ATRX: variants seen among roughly 807,000 people sequenced by gnomAD.
ATRX encodes the protein ATRX chromatin remodeler.
A neutral mutation model predicts 172.6 loss-of-function variants in ATRX; 12 were observed. The ratio of observed to expected loss-of-function variants is 0.07; its 90% CI spans 0.04 to 0.11. ATRX has a LOEUF of 0.11. Ranked by LOEUF, ATRX falls within the 10% of genes least tolerant of loss-of-function variation. The pLI is 1.00. For synonymous variants in ATRX, 674 were observed against 594.7 expected (o/e 1.13, Z -1.94); for missense variants, 1,368 against 1,767.4 (o/e 0.77, Z 4.05).
intron 1 of ATRX, among the ~76,000 whole-genome samples, chrX:77,728,829 G>A (rs1253711533): frequency 9.8e-6 from 1 of 102,216 alleles, no homozygotes; most frequent in African/African-American, 3.6e-5. Context: ...GTTCGATCTC[G>A]GCTCACTGCA....
rs2148607608 is a variant in ATRX at position 77,683,181 on chromosome X, G to A, written c.2075C>T (p.Ser692Leu). ...NETVKEKQKL[S>L]VPVRKKDKRN... is the part of the protein sequence containing the mutation. ...CTTATCCTTTTTTCTCACTGGAACT[G>A]ATAGTTTTTGTTTCTCCTTAACTGT... Residue 692 changes from serine (S) to leucine (L), a missense_variant, in exon 9 of 35, where the codon TCA (serine) becomes TTA (leucine). Coordinates refer to ENST00000373344, the MANE Select transcript of ATRX (RefSeq NM_000489.6). 8.3e-7 allele frequency: 1 copy of A among 1,208,235 alleles called. No individual in the cohort carries two copies. Among genetic ancestry groups the A allele is most frequent in the South Asian group, 1.8e-5 (1 of 56,944 alleles).
chrX:77,508,610 C>G lies in ATRX; in HGVS notation c.7220G>C (p.Arg2407Pro). 1 of 1,211,602 alleles carries G rather than the reference C, an allele frequency of 8.3e-7. No individual in the cohort carries two copies. The highest frequency in any genetic ancestry group is 1.1e-6 in the Non-Finnish European group (1 of 895,491). ...CTGGAGCCTTCTGTTCATAAGTATTCGCTGAACACAGCTGATTAACTATAG... is the reference window on the plus strand; with the variant it reads ...CTGGAGCCTTCTGTTCATAAGTATTGGCTGAACACAGCTGATTAACTATAG... ...KQQMLISCVQRILMNRRLQQQ... is the reference protein window; with the variant it reads ...KQQMLISCVQPILMNRRLQQQ... The change falls in exon 35 of 35, where the codon CGA becomes CCA. Residue 2407 changes from arginine (R) to proline (P), a missense_variant. Around this residue, in one of 17 missense-constraint regions of ATRX, gnomAD observed 100 missense variants for 153.9 expected, o/e 0.65. Coordinates refer to ENST00000373344, the MANE Select transcript of ATRX (RefSeq NM_000489.6).
At chrX:77,522,411 C>T (rs2147752201) in intron 31 of ATRX, 23 bp from the exon 32 acceptor site, 2 of 1,206,241 alleles carry the variant, frequency 1.7e-6, no homozygotes, top group Non-Finnish European at 2.2e-6. Context: ...AAATTATGCA[C>T]TTTTCACATT....
rs2071214033 is a variant in ATRX at position 77,681,789 on chromosome X, G to C, written c.3467C>G (p.Ser1156Cys). 1 of 1,197,914 alleles carries C rather than the reference G, an allele frequency of 8.3e-7. No individual in the cohort carries two copies. Among genetic ancestry groups the C allele is most frequent in the Non-Finnish European group, 1.1e-6 (1 of 891,109 alleles). Residue 1156 changes from serine to cysteine, a missense_variant, in exon 9 of 35, where the codon TCT (serine) becomes TGT (cysteine). Around this residue, in one of 17 missense-constraint regions of ATRX, gnomAD observed 843 missense variants for 643.1 expected, o/e 1.31. Transcript: ENST00000373344. ...ATCTTCAGAACTTTCCTCAGCATCA[G>C]ATGATGATGAGCCACTTTGTATTTC... ...TKEIQSGSSS[S>C]DAEESSEDNK... is the part of the protein sequence containing the mutation.
chrX:77,634,511 G>A (rs1186211546), intron 17 of ATRX, 83 bp downstream of exon 17: 7 of 816,199 alleles, frequency 8.6e-6, no homozygotes, highest in Middle Eastern at 2.9e-4. Flanking sequence ...CAGCCCCTAC[G>A]ACTGTGCCTG....
rs2148360613 is a variant in ATRX at position 77,636,040 on chromosome X, T to C, written c.4574A>G (p.Asp1525Gly). The C allele has an allele frequency of 1.7e-6, 2 of 1,210,589 alleles. No homozygotes were observed. Among genetic ancestry groups the C allele is most frequent in the Non-Finnish European group, 2.2e-6 (2 of 894,665 alleles). ...EKLREVIEIE[D>G]ASPTKCPITT... ...TATTGGACACTTGGTGGGTGAAGCATCTTCAATTTCTATCACCTACAAGAA... is the reference window on the plus strand; with the variant it reads ...TATTGGACACTTGGTGGGTGAAGCACCTTCAATTTCTATCACCTACAAGAA... Residue 1525 changes from aspartate to glycine, a missense_variant, in exon 16 of 35, where the codon GAT becomes GGT. This residue lies in a region of ATRX where 27 missense variants were observed against 110.8 expected (regional missense o/e 0.24). Coordinates refer to ENST00000373344, the MANE Select transcript of ATRX (RefSeq NM_000489.6).
intron 30 of ATRX, among the ~76,000 whole-genome samples, chrX:77,539,960 A>G (rs1221068946): frequency 1.8e-5 from 2 of 111,960 alleles, no homozygotes; most frequent in African/African-American, 6.5e-5. Context: ...AAATTCAAAC[A>G]TAACAATATT....
At chrX:77,717,854 C>T (rs2073525278) in intron 1 of ATRX, among the ~76,000 whole-genome samples, 1 of 110,863 alleles carries the variant, frequency 9.0e-6, no homozygotes, top group African/African-American at 3.3e-5. Context: ...AAACAATAAA[C>T]CTACCTACCA....
intron 22 of ATRX, 193 bp downstream of exon 22, chrX:77,616,420 A>C: frequency 9.0e-7 from 1 of 1,113,503 alleles, no homozygotes. Flanking sequence ...TTTTTCATCA[A>C]TTTGCTTCTT....
chrX:77,762,034 GGC>G (rs1257410493), intron 1 of ATRX, among the ~76,000 whole-genome samples: 1 of 111,101 alleles, frequency 9.0e-6, no homozygotes, highest in Non-Finnish European at 1.9e-5. Flanking sequence ...CAGGCGCGGT[GGC>G]TCATGCCTGT....
rs1557097029 is a variant in ATRX at position 77,616,668 on chromosome X, C to T, written c.5511G>A (p.Val1837=). Residue 1837 remains valine (V), a synonymous_variant, in exon 22 of 35, where the codon GTG becomes GTA. Transcript: ENST00000373344. ...LPPKHEYVLA[V]RMTSIQCKLY... Reference sequence around the variant, plus strand: ...GCTTGCACTGAATAGAAGTCATTCTCACAGCTAACACATATTCGTGTTTTG... The same window carrying T: ...GCTTGCACTGAATAGAAGTCATTCTTACAGCTAACACATATTCGTGTTTTG... 5.0e-6 allele frequency: 6 copies of T among 1,206,870 alleles called. No individual in the cohort carries two copies. Among genetic ancestry groups the T allele is most frequent in the Non-Finnish European group, 6.7e-6 (6 of 891,517 alleles).
chrX:77,622,576 A>G (rs2067641145), intron 19 of ATRX, among the ~76,000 whole-genome samples: 1 of 111,669 alleles, frequency 9.0e-6, no homozygotes, highest in South Asian at 3.7e-4. Flanking sequence ...AGGGAGAAGG[A>G]CTTCTCTAGC....
At chrX:77,603,525 T>C (rs2066765025) in intron 22 of ATRX, among the ~76,000 whole-genome samples, 2 of 85,189 alleles carry the variant, frequency 2.3e-5, no homozygotes, top group Non-Finnish European at 4.9e-5. Flanking sequence ...GCCACCATGC[T>C]CGGCTAATTT....
chrX:77,613,789 T>C (rs1385856674), intron 22 of ATRX, among the ~76,000 whole-genome samples: 5 of 112,064 alleles, frequency 4.5e-5, no homozygotes, highest in Non-Finnish European at 9.4e-5. Context: ...TTTTGCACAG[T>C]TGTCAAAATA....
chrX:77,579,260 C>T (rs2065740799), intron 27 of ATRX, among the ~76,000 whole-genome samples: 1 of 112,674 alleles, frequency 8.9e-6, no homozygotes, highest in African/African-American at 3.2e-5. Context: ...GGCTTCACCA[C>T]TTGCTGAATG....
At chrX:77,562,629 C>T (rs781998445) in intron 28 of ATRX, among the ~76,000 whole-genome samples, 7 of 111,888 alleles carry the variant, frequency 6.3e-5, no homozygotes, top group Non-Finnish European at 1.1e-4. Context: ...ACTGCAACCT[C>T]GAATTCCTGG....
intron 1 of ATRX, among the ~76,000 whole-genome samples, chrX:77,769,752 C>T (rs1332892686): frequency 1.8e-5 from 2 of 111,744 alleles, no homozygotes; most frequent in Non-Finnish European, 1.9e-5. Flanking sequence ...AATATGAGAA[C>T]TGCTATTGTT....
intron 25 of ATRX, 35 bp from the exon 26 acceptor site, chrX:77,593,884 T>C (rs2066373194): frequency 8.6e-7 from 1 of 1,167,639 alleles, no homozygotes; most frequent in Non-Finnish European, 1.2e-6. Flanking sequence ...GTAGGTAAAT[T>C]AGAAAAGAAA....
At chrX:77,745,536 C>G (rs1466542903) in intron 1 of ATRX, among the ~76,000 whole-genome samples, 1 of 111,166 alleles carries the variant, frequency 9.0e-6, no homozygotes, top group Admixed American at 9.7e-5. Context: ...ATCTAAAAAT[C>G]AAAACAATTG....
Sources: allele counts gnomAD v4.1 joint callset (sites outside exome capture counted in the v4.1 genomes callset), GRCh38; gene constraint gnomAD v4.1.1; regional missense constraint gnomAD v4.1.1; transcripts MANE v1.5; gene names NCBI Gene and HGNC (gene_info 2026-07-23, HGNC 2026-07-21).